NR6A1: variants seen among roughly 807,000 people sequenced by gnomAD.
The protein encoded by NR6A1 is nuclear receptor subfamily 6 group A member 1.
NR6A1 carries 7 observed loss-of-function variants against 59.1 expected under a neutral mutation model. The ratio of observed to expected loss-of-function variants is 0.12; its 90% CI spans 0.07 to 0.22. The LOEUF is 0.22. Ranked by LOEUF, NR6A1 falls within the 10% of genes least tolerant of loss-of-function variation. NR6A1 has a pLI of 1.00. For synonymous variants in NR6A1, 243 were observed against 236.1 expected, an observed-to-expected ratio of 1.03 and a Z score of -0.27; for missense variants, 468 against 611.6, an observed-to-expected ratio of 0.77 and a Z score of 2.48.
At chr9:124,593,420 G>A (rs1043844927) in intron 2 of NR6A1, among the ~76,000 whole-genome samples, 3 of 152,064 alleles carry the variant, frequency 2.0e-5, no homozygotes, top group Non-Finnish European at 4.4e-5. Flanking sequence ...AAAAAGGGAG[G>A]GAGGAAGAGA....
At chr9:124,704,884 G>A (rs116634252) in intron 2 of NR6A1, among the ~76,000 whole-genome samples, 1,571 of 152,128 alleles carry the variant, frequency 0.01, 28 homozygotes, top group African/African-American at 0.036. Context: ...GACCAGAAGC[G>A]CATGCCACAA....
intron 2 of NR6A1, among the ~76,000 whole-genome samples, chr9:124,699,733 C>T (rs1052037599): frequency 6.6e-6 from 1 of 152,212 alleles, no homozygotes; most frequent in Admixed American, 6.5e-5. Context: ...TCACCAAAAT[C>T]TAATTTCGAA....
At chr9:124,622,320 T>C (rs1244030128) in intron 2 of NR6A1, among the ~76,000 whole-genome samples, 1 of 152,246 alleles carries the variant, frequency 6.6e-6, no homozygotes, top group African/African-American at 2.4e-5. Flanking sequence ...TAATATCCCA[T>C]GTCCTTCACA....
intron 2 of NR6A1, among the ~76,000 whole-genome samples, chr9:124,687,291 A>ATTAATTATTTATTTATTTATTTATTTAT (rs59770058): frequency 2.3e-4 from 32 of 142,086 alleles, no homozygotes; most frequent in African/African-American, 6.8e-4. Context: ...CAGCTAATTA[A>ATTAATTATTTATTTATTTATTTATTTAT]TTATTTATTT....
intron 2 of NR6A1, among the ~76,000 whole-genome samples, chr9:124,627,496 G>C (rs1036584253): frequency 6.6e-6 from 1 of 152,202 alleles, no homozygotes; most frequent in Non-Finnish European, 1.5e-5. Context: ...GTTTTCAGCA[G>C]GATGACAAAG....
At chr9:124,629,265 C>T (rs1183947051) in intron 2 of NR6A1, among the ~76,000 whole-genome samples, 2 of 152,174 alleles carry the variant, frequency 1.3e-5, no homozygotes, top group Non-Finnish European at 2.9e-5. Flanking sequence ...CAATTAAATT[C>T]GATTTTAACT....
At chr9:124,752,848 A>G (rs1418019153) in intron 1 of NR6A1, among the ~76,000 whole-genome samples, 1 of 152,118 alleles carries the variant, frequency 6.6e-6, no homozygotes, top group Non-Finnish European at 1.5e-5. Flanking sequence ...AACACATCTA[A>G]AAATCTCTAC....
chr9:124,742,398 C>T (rs1308775948), intron 1 of NR6A1, among the ~76,000 whole-genome samples: 1 of 151,120 alleles, frequency 6.6e-6, no homozygotes, highest in Non-Finnish European at 1.5e-5. Flanking sequence ...CCCGTCTCTA[C>T]TAAAAATACA....
chr9:124,619,008 C>T (rs1379516894), intron 2 of NR6A1, among the ~76,000 whole-genome samples: 2 of 152,120 alleles, frequency 1.3e-5, no homozygotes, highest in Non-Finnish European at 2.9e-5. Flanking sequence ...CAGGGTTTTA[C>T]GCTACAAAAG....
intron 2 of NR6A1, among the ~76,000 whole-genome samples, chr9:124,575,654 T>G (rs1238637064): frequency 1.3e-5 from 2 of 152,230 alleles, no homozygotes; most frequent in Non-Finnish European, 2.9e-5. Context: ...CATGTCTTAG[T>G]CTATATTGCT....
At chr9:124,535,614 C>T (rs578150345) in intron 7 of NR6A1, among the ~76,000 whole-genome samples, 2 of 152,334 alleles carry the variant, frequency 1.3e-5, no homozygotes, top group African/African-American at 4.8e-5. Context: ...TACAGCTTAG[C>T]ATTCTGCTAA....
chr9:124,764,146 T>G (rs1295378963), intron 1 of NR6A1, among the ~76,000 whole-genome samples: 1 of 149,888 alleles, frequency 6.7e-6, no homozygotes, highest in Non-Finnish European at 1.5e-5. Flanking sequence ...ATCGCACCGC[T>G]GCACTCCAGC....
At chr9:124,553,379 ACTT>A (rs2131383029) in intron 3 of NR6A1, among the ~76,000 whole-genome samples, 1 of 152,172 alleles carries the variant, frequency 6.6e-6, no homozygotes, top group Non-Finnish European at 1.5e-5. Flanking sequence ...TGCAGGCAGG[ACTT>A]TTCATCTCAG....
rs79376538 is a variant in NR6A1, at chr9:124,620,499, G to A, written c.143-65929C>T. Among the ~76,000 whole-genome samples, 27 of 152,272 alleles carry A rather than the reference G, an allele frequency of 1.8e-4. No individual in the cohort carries two copies. The East Asian group carries it at 5.0e-3, about 28-fold the overall frequency. On this transcript the variant is annotated intron_variant, in intron 2 of 9. Transcript: ENST00000487099. Reference sequence around the variant, plus strand: ...CACTGGAATATATTCAGCACAAAAAGGAACTGACTACTCAAGTGCTATGGC... The same window carrying A: ...CACTGGAATATATTCAGCACAAAAAAGAACTGACTACTCAAGTGCTATGGC...
chr9:124,692,523 T>C (rs772245639), intron 2 of NR6A1: 2 of 530,974 alleles, frequency 3.8e-6, no homozygotes, highest in Non-Finnish European at 7.7e-6. Flanking sequence ...AAAAAACCAC[T>C]GACCGTTGAC....
rs397703492 is a variant in NR6A1 at position 124,739,000 on chromosome 9, T to TAA, written c.101-5653_101-5652dup. Among the ~76,000 whole-genome samples, 152 of 137,708 alleles carry TAA rather than the reference T, an allele frequency of 1.1e-3. 2 individuals are homozygous for TAA. The South Asian group carries it at 0.021, about 19-fold the overall frequency. The allele number at this position is 137,708 out of a possible 152,430, so 90.3% of individuals were successfully genotyped here. A position where few individuals can be genotyped will look rare whatever the true frequency, so the allele number is the denominator to read the frequency against. On this transcript the variant is annotated intron_variant, in intron 1 of 9. Coordinates refer to ENST00000487099, the MANE Select transcript of NR6A1 (RefSeq NM_033334.4). ...CCAGACAACGAAGCAAGACTCCATC[T>TAA]AAAAAAAAAAAAAATACAAAAATAC...
At chr9:124,524,896 C>A (rs1329442748) in intron 8 of NR6A1, 23 bp from the exon 9 acceptor site, 2 of 1,587,148 alleles carry the variant, frequency 1.3e-6, no homozygotes, top group Non-Finnish European at 1.7e-6. Context: ...AAAAAACACA[C>A]ACACACATAC....
At chr9:124,704,232 T>C (rs1234797061) in intron 2 of NR6A1, among the ~76,000 whole-genome samples, 3 of 152,256 alleles carry the variant, frequency 2.0e-5, no homozygotes, top group Non-Finnish European at 4.4e-5. Flanking sequence ...TTCCTGACTT[T>C]GGTAATTTGT....
At chr9:124,730,112 CTAAT>C (rs1352501374) in intron 2 of NR6A1, among the ~76,000 whole-genome samples, 23 of 152,246 alleles carry the variant, frequency 1.5e-4, no homozygotes, top group Admixed American at 1.4e-3. Context: ...CACGCCTGGC[CTAAT>C]TATTTCTAGA....
Sources: gnomAD v4.1 joint callset for allele counts (sites outside exome capture counted in the v4.1 genomes callset) on GRCh38, gnomAD v4.1.1 for gene constraint, MANE v1.5 for transcripts, NCBI Gene and HGNC (gene_info 2026-07-23, HGNC 2026-07-21) for gene names.